The following ROBO1 variants were observed in gnomAD, a reference collection of about 807,000 sequenced individuals.
ROBO1 encodes roundabout homolog 1.
Under a neutral mutation model 195.9 loss-of-function variants are expected in ROBO1, and 149 were observed. The observed-to-expected ratio is 0.76, with a 90% CI of 0.67 to 0.87. The LOEUF (loss-of-function observed/expected upper bound fraction) is 0.87, where lower values mean the gene tolerates loss of function less well. Among genes scored for constraint, ROBO1 ranks in the 40% least tolerant of loss-of-function variants. The pLI is 0.00. For missense variants in ROBO1, 1,933 were observed against 2,068.3 expected (o/e 0.93, Z 1.27); for synonymous variants, 816 against 733.2 (o/e 1.11, Z -1.82).
At position 78,938,825 on chromosome 3, in the gene ROBO1, T is replaced by TA; in HGVS notation, c.274_275insT (p.Glu92ValfsTer9). The TA allele has an allele frequency of 6.2e-7, 1 of 1,614,016 alleles. No homozygotes were observed. The highest frequency in any genetic ancestry group is 8.5e-7 in the Non-Finnish European group (1 of 1,179,886). Reference sequence around the variant, plus strand: ...TTCAATAGTGGGTGTGGGGCGGCCTTCAGCTTTGCAGTTCAAAGTTGCAGG... The same window carrying TA: ...TTCAATAGTGGGTGTGGGGCGGCCTTACAGCTTTGCAGTTCAAAGTTGCAGG... On this transcript the variant is annotated frameshift_variant, in exon 4 of 31. Coordinates refer to ENST00000464233, the MANE Select transcript of ROBO1 (RefSeq NM_002941.4). LOFTEE classifies it high-confidence loss of function.
intron 2 of ROBO1, among the ~76,000 whole-genome samples, chr3:79,242,285 TTC>T (rs2082533782): frequency 1.3e-5 from 2 of 151,336 alleles, no homozygotes; most frequent in South Asian, 2.1e-4. Flanking sequence ...AAAAAAAAAA[TTC>T]TCTTTTATTT....
At chr3:78,879,226 TAC>T (rs2036035748) in intron 4 of ROBO1, among the ~76,000 whole-genome samples, 1 of 152,192 alleles carries the variant, frequency 6.6e-6, no homozygotes, top group South Asian at 2.1e-4. Flanking sequence ...ACAATGATAT[TAC>T]ACGCAGGGTT....
At chr3:78,961,883 G>A (rs2041365256) in intron 3 of ROBO1, among the ~76,000 whole-genome samples, 1 of 151,508 alleles carries the variant, frequency 6.6e-6, no homozygotes, top group Admixed American at 6.6e-5. Context: ...AGAGAAGGCA[G>A]TAGATTCATA....
intron 2 of ROBO1, among the ~76,000 whole-genome samples, chr3:79,538,314 C>T (rs942579881): frequency 2.0e-5 from 3 of 151,958 alleles, no homozygotes; most frequent in Non-Finnish European, 2.9e-5. Context: ...AGATACCCTT[C>T]CTTTGAGGAT....
Position 78,646,203 on chromosome 3 carries a change from G to GA in ROBO1, c.2840-14dup, listed in dbSNP as rs763576136. 0.012 allele frequency: 15,052 copies of GA among 1,301,734 alleles called. No homozygotes were observed. The highest frequency in any genetic ancestry group is 0.017 in the South Asian group (1,099 of 66,154). 80.6% of individuals were successfully genotyped at this position (1,301,734 alleles called of 1,614,324 possible). On this transcript the variant is annotated splice_polypyrimidine_tract_variant and intron_variant, in intron 20 of 30. Transcript: ENST00000464233. The stretch of plus-strand genomic sequence containing the variant: ...CTCTGGTAAGTTACTAGAATGTTAC[G>GA]AAAAAAAAAAGGAACAATTAATAGA...
intron 17 of ROBO1, among the ~76,000 whole-genome samples, chr3:78,659,264 T>G (rs1286852545): frequency 3.9e-5 from 6 of 152,204 alleles, no homozygotes; most frequent in Non-Finnish European, 8.8e-5. Flanking sequence ...TTTTAAATAC[T>G]TTAAAAAATA....
At chr3:79,676,878 A>G (rs1417808672) in intron 1 of ROBO1, among the ~76,000 whole-genome samples, 1 of 152,106 alleles carries the variant, frequency 6.6e-6, no homozygotes, top group Admixed American at 6.6e-5. Context: ...ATGGAACCAT[A>G]CTTAGGATCC....
chr3:79,227,572 C>T (rs902162), intron 2 of ROBO1, among the ~76,000 whole-genome samples: 4,655 of 152,220 alleles, frequency 0.031, 210 homozygotes, highest in African/African-American at 0.1. Context: ...GTCACATGTG[C>T]AAATCTGGAG....
At chr3:78,873,306 C>A (rs112534151) in intron 4 of ROBO1, among the ~76,000 whole-genome samples, 1 of 152,246 alleles carries the variant, frequency 6.6e-6, no homozygotes, top group Non-Finnish European at 1.5e-5. Context: ...ACTTGGACCT[C>A]CCTCTGGAGA....
At chr3:79,754,156 C>A (rs1456661731) in intron 1 of ROBO1, among the ~76,000 whole-genome samples, 1 of 152,050 alleles carries the variant, frequency 6.6e-6, no homozygotes, top group Non-Finnish European at 1.5e-5. Flanking sequence ...GTTGGAAATA[C>A]ATGAAGGAGG....
At chr3:78,844,430 A>G (rs567218240) in intron 4 of ROBO1, among the ~76,000 whole-genome samples, 1 of 152,200 alleles carries the variant, frequency 6.6e-6, no homozygotes, top group South Asian at 2.1e-4. Flanking sequence ...AGGACCTATT[A>G]GAAAAGAAGT....
chr3:79,714,015 A>T (rs925782321), intron 1 of ROBO1, among the ~76,000 whole-genome samples: 1 of 152,128 alleles, frequency 6.6e-6, no homozygotes, highest in Non-Finnish European at 1.5e-5. Flanking sequence ...TATAGTTTGA[A>T]GTCATGTAGC....
At chr3:79,471,436 T>C (rs1450392506) in intron 2 of ROBO1, among the ~76,000 whole-genome samples, 7 of 152,122 alleles carry the variant, frequency 4.6e-5, no homozygotes, top group Admixed American at 4.6e-4. Flanking sequence ...TTTCTATCAA[T>C]ATCAGATATA....
At chr3:79,725,472 C>T (rs1032383706) in intron 1 of ROBO1, among the ~76,000 whole-genome samples, 7 of 151,834 alleles carry the variant, frequency 4.6e-5, no homozygotes, top group South Asian at 2.1e-4. Flanking sequence ...GTGATCCGCC[C>T]GCCTCGGCCT....
chr3:79,080,094 G>T (rs1235479603), intron 3 of ROBO1, among the ~76,000 whole-genome samples: 1 of 151,722 alleles, frequency 6.6e-6, no homozygotes, highest in Non-Finnish European at 1.5e-5. Flanking sequence ...TCATAAAAGT[G>T]TTACAGGGTT....
chr3:79,302,749 C>T (rs1225102598), intron 2 of ROBO1, among the ~76,000 whole-genome samples: 1 of 151,654 alleles, frequency 6.6e-6, no homozygotes, highest in Non-Finnish European at 1.5e-5. Context: ...GGAAATTAAC[C>T]TTTCAGAAAA....
intron 2 of ROBO1, among the ~76,000 whole-genome samples, chr3:79,221,693 G>C (rs2082141824): frequency 6.6e-6 from 1 of 152,072 alleles, no homozygotes; most frequent in Non-Finnish European, 1.5e-5. Flanking sequence ...TTTATGTGAA[G>C]GGGTGAAAAT....
rs1324253594 is a variant in ROBO1 at position 78,639,903 on chromosome 3, A to G, written c.2883-5T>C. The G allele has an allele frequency of 2.0e-6, 3 of 1,530,440 alleles. No homozygotes were observed. Among genetic ancestry groups the G allele is most frequent in the Admixed American group, 4.3e-5 (2 of 46,536 alleles). 94.8% of individuals were successfully genotyped at this position (1,530,440 alleles called of 1,614,324 possible). On this transcript the variant is annotated splice_region_variant and splice_polypyrimidine_tract_variant and intron_variant, in intron 21 of 30. Transcript: ENST00000464233. ...CTGATGTTGAGAAGTCCAGGCCTAA[A>G]TAAAAAAAAAATATTAAAGCAAATG... is the stretch of plus-strand genomic sequence containing the variant.
At chr3:78,814,281 A>C (rs1011405300) in intron 4 of ROBO1, among the ~76,000 whole-genome samples, 7 of 152,126 alleles carry the variant, frequency 4.6e-5, no homozygotes, top group Non-Finnish European at 7.4e-5. Flanking sequence ...GTAATCACAT[A>C]AAACTAAAAA....
Sources: allele counts gnomAD v4.1 joint callset (sites outside exome capture counted in the v4.1 genomes callset), GRCh38; gene constraint gnomAD v4.1.1; transcripts MANE v1.5; gene names NCBI Gene and HGNC (gene_info 2026-07-23, HGNC 2026-07-21).